SEM1: variants seen among roughly 807,000 people sequenced by gnomAD.
SEM1 encodes the protein SEM1 26S proteasome subunit, also known as 26S proteasome complex subunit SEM1.
Under a neutral mutation model 12.7 loss-of-function variants are expected in SEM1, and 3 were observed. The observed-to-expected ratio is 0.24, with a 90% CI of 0.11 to 0.61. The LOEUF (loss-of-function observed/expected upper bound fraction) is 0.61. Ranked by LOEUF, SEM1 falls within the 20% of genes least tolerant of loss-of-function variation. The probability of loss-of-function intolerance (pLI) is 0.88; values close to 1 mark genes in which losing one functional copy is unlikely to be tolerated. For missense variants in SEM1, 59 were observed against 81.3 expected, an observed-to-expected ratio of 0.73 and a Z score of 1.06; for synonymous variants, 30 against 27.8, an observed-to-expected ratio of 1.08 and a Z score of -0.25.
At chr7:96,700,786 T>C (rs1790246761) in intron 1 of SEM1, among the ~76,000 whole-genome samples, 1 of 152,160 alleles carries the variant, frequency 6.6e-6, no homozygotes, top group Non-Finnish European at 1.5e-5. Flanking sequence ...AGTTTTTCAG[T>C]GTTTAATATC....
At chr7:96,502,943 T>A (rs1803618645) in intron 3 of SEM1, among the ~76,000 whole-genome samples, 2 of 152,152 alleles carry the variant, frequency 1.3e-5, no homozygotes. Flanking sequence ...TCTCACAGTT[T>A]CTCTAGGGGT....
At chr7:96,547,412 C>A (rs1805135638) in intron 2 of SEM1, among the ~76,000 whole-genome samples, 2 of 152,118 alleles carry the variant, frequency 1.3e-5, no homozygotes, top group South Asian at 4.1e-4. Context: ...TAGTCCCATG[C>A]CATTCATGGT....
chr7:96,566,004 T>C (rs971802295), intron 2 of SEM1, among the ~76,000 whole-genome samples: 3 of 151,844 alleles, frequency 2.0e-5, no homozygotes, highest in African/African-American at 7.2e-5. Flanking sequence ...CCAAATCATA[T>C]AGCACTTTAG....
chr7:96,583,862 G>A (rs567812956), intron 2 of SEM1, among the ~76,000 whole-genome samples: 3 of 150,590 alleles, frequency 2.0e-5, no homozygotes, highest in African/African-American at 7.3e-5. Context: ...GAGCCTATGT[G>A]TCTCTGCACG....
At chr7:96,679,964 CTG>C (rs1448043016) in intron 2 of SEM1, among the ~76,000 whole-genome samples, 1 of 152,154 alleles carries the variant, frequency 6.6e-6, no homozygotes, top group Non-Finnish European at 1.5e-5. Flanking sequence ...CTGCCAGCGA[CTG>C]TAATTCTGTC....
intron 2 of SEM1, among the ~76,000 whole-genome samples, chr7:96,543,572 A>C (rs1805019627): frequency 6.6e-6 from 1 of 151,996 alleles, no homozygotes; most frequent in Admixed American, 6.6e-5. Flanking sequence ...GTTTTCTGTC[A>C]ATGTGAATTT....
intron 2 of SEM1, among the ~76,000 whole-genome samples, chr7:96,598,409 T>C (rs7785483): frequency 0.91 from 134,912 of 148,178 alleles, 62,398 homozygotes; most frequent in East Asian, 1. Flanking sequence ...TTTTTTTTTT[T>C]CCCCCAAATA....
At chr7:96,690,124 G>A (rs1184329629) in intron 2 of SEM1, among the ~76,000 whole-genome samples, 4 of 152,044 alleles carry the variant, frequency 2.6e-5, no homozygotes, top group Non-Finnish European at 5.9e-5. Context: ...AGGGAATGTG[G>A]TAACTGTCTT....
intron 2 of SEM1, among the ~76,000 whole-genome samples, chr7:96,613,185 G>C (rs764278936): frequency 6.6e-6 from 1 of 152,072 alleles, no homozygotes; most frequent in African/African-American, 2.4e-5. Flanking sequence ...ATATATTGTA[G>C]ATAACTGATA....
At chr7:96,625,592 A>G (rs1323238912) in intron 2 of SEM1, among the ~76,000 whole-genome samples, 1 of 152,204 alleles carries the variant, frequency 6.6e-6, no homozygotes, top group African/African-American at 2.4e-5. Context: ...TCTAAGCTAC[A>G]AGGCTGAAAC....
intron 2 of SEM1, among the ~76,000 whole-genome samples, chr7:96,485,328 T>G (rs956964411): frequency 6.6e-6 from 1 of 152,062 alleles, no homozygotes; most frequent in African/African-American, 2.4e-5. Context: ...AAAACATGGA[T>G]GTTAGCAGGA....
At chr7:96,708,905 T>C (rs371480009) in intron 1 of SEM1, among the ~76,000 whole-genome samples, 2 of 152,316 alleles carry the variant, frequency 1.3e-5, no homozygotes, top group East Asian at 1.9e-4. Context: ...AATTTGCTAT[T>C]ATCTACAATG....
In SEM1 at chr7:96,526,011, T is replaced by C. The variant is rs1324010234; in HGVS notation, c.171-19313A>G. The stretch of plus-strand genomic sequence containing the variant: ...AATGTATTCTAGTATATTCACAGGG[T>C]TGCACAACCATGACCTCAATTCATT... On this transcript the variant is annotated intron_variant and NMD_transcript_variant, in intron 2 of 3. Transcript: ENST00000466986. Among the ~76,000 whole-genome samples the C allele has an allele frequency of 2.0e-5, 3 of 152,094 alleles. No individual in the cohort carries two copies. The East Asian group carries it at 5.8e-4, about 29-fold the overall frequency.
intron 2 of SEM1, among the ~76,000 whole-genome samples, chr7:96,529,739 C>A (rs1226412923): frequency 6.6e-6 from 1 of 152,160 alleles, no homozygotes; most frequent in Non-Finnish European, 1.5e-5. Flanking sequence ...GTTTTACACT[C>A]ACCTCAGCAA....
intron 1 of SEM1, among the ~76,000 whole-genome samples, chr7:96,493,328 G>T (rs1044283642): frequency 2.0e-5 from 3 of 151,628 alleles, no homozygotes; most frequent in Non-Finnish European, 4.4e-5. Context: ...ACAATTTTTC[G>T]AAAATGCATT....
In SEM1 at chr7:96,513,789, A is replaced by C. The variant is rs553807172; in HGVS notation, c.171-7091T>G. Among the ~76,000 whole-genome samples the C allele has an allele frequency of 4.6e-5, 7 of 152,252 alleles. No homozygotes were observed. The South Asian group carries it at 1.0e-3, about 23-fold the overall frequency. ...GGTTGCAGTATGTGGAGATCATGCC[A>C]CTGAACTCCAGCCTGGGCAGCAGAG... On this transcript the variant is annotated intron_variant and NMD_transcript_variant, in intron 2 of 3. Transcript: ENST00000466986.
At chr7:96,655,655 T>C (rs1475199816) in intron 2 of SEM1, among the ~76,000 whole-genome samples, 1 of 152,092 alleles carries the variant, frequency 6.6e-6, no homozygotes, top group Non-Finnish European at 1.5e-5. Flanking sequence ...AACACCATTA[T>C]CATGATAATG....
downstream of SEM1, among the ~76,000 whole-genome samples, chr7:96,621,291 T>G (rs1807884251): frequency 6.6e-6 from 1 of 152,208 alleles, no homozygotes; most frequent in Non-Finnish European, 1.5e-5. Flanking sequence ...AATTGGTCTT[T>G]GCAGCATCCA....
intron 1 of SEM1, among the ~76,000 whole-genome samples, chr7:96,702,290 C>A (rs780705011): frequency 2.4e-4 from 37 of 152,224 alleles, no homozygotes; most frequent in African/African-American, 6.5e-4. Context: ...CTAGTTCCTT[C>A]CACTTAGAGG....
Sources: allele counts gnomAD v4.1 joint callset (sites outside exome capture counted in the v4.1 genomes callset), GRCh38; gene constraint gnomAD v4.1.1; transcripts MANE v1.5; gene names NCBI Gene and HGNC (gene_info 2026-07-23, HGNC 2026-07-21).